Variants in EPB41 observed in about 807,000 individuals in gnomAD.
The protein encoded by EPB41 is erythrocyte membrane protein band 4.1.
A neutral mutation model predicts 108.0 loss-of-function variants in EPB41; 65 were observed. The observed-to-expected ratio is 0.60, with a 90% confidence interval of 0.49 to 0.74. The LOEUF is 0.74. Ranked by LOEUF, EPB41 falls within the 30% of genes least tolerant of loss-of-function variation. The pLI is 0.00. For synonymous variants in EPB41, 336 were observed against 358.9 expected (o/e 0.94, Z 0.72); for missense variants, 875 against 1,037.0 (o/e 0.84, Z 2.15).
intron 1 of EPB41, among the ~76,000 whole-genome samples, chr1:28,932,199 T>A (rs772163536): frequency 7.2e-5 from 11 of 152,226 alleles, no homozygotes; most frequent in Non-Finnish European, 7.3e-5. Context: ...CTCAGCTCAC[T>A]GCAGCCTCCG....
chr1:29,112,630 G>A (rs939642142), intron 19 of EPB41, among the ~76,000 whole-genome samples, 182 bp downstream of exon 19: 2 of 152,168 alleles, frequency 1.3e-5, no homozygotes, highest in African/African-American at 4.8e-5. Flanking sequence ...CACAGATTGA[G>A]GAGCCAGGAA....
chr1:29,051,574 T>G (rs1194130030), intron 11 of EPB41, among the ~76,000 whole-genome samples: 1 of 152,144 alleles, frequency 6.6e-6, no homozygotes, highest in Non-Finnish European at 1.5e-5. Context: ...ATAATAAAAA[T>G]TATTGATTTC....
At chr1:28,904,686 T>C (rs898292858) in intron 1 of EPB41, among the ~76,000 whole-genome samples, 19 of 150,910 alleles carry the variant, frequency 1.3e-4, no homozygotes, top group Non-Finnish European at 2.4e-4. Flanking sequence ...TTACCTGAGG[T>C]CAGGAGTTTG....
intron 1 of EPB41, among the ~76,000 whole-genome samples, chr1:28,891,538 A>G (rs1240445202): frequency 6.6e-6 from 1 of 152,220 alleles, no homozygotes; most frequent in Non-Finnish European, 1.5e-5. Flanking sequence ...CCCTGAGGAC[A>G]CACGAGAGTC....
chr1:29,079,324 T>C (rs890014387), intron 16 of EPB41, among the ~76,000 whole-genome samples: 2 of 152,140 alleles, frequency 1.3e-5, no homozygotes, highest in Non-Finnish European at 2.9e-5. Flanking sequence ...TTTGAGCTTT[T>C]GGTATACTTT....
In EPB41 at chr1:28,993,549, A is replaced by G. The variant is rs767424892; in HGVS notation, c.681+7A>G. On this transcript the variant is annotated splice_region_variant and intron_variant, in intron 3 of 20. Coordinates refer to ENST00000343067, the MANE Select transcript of EPB41 (RefSeq NM_001376013.1). ...TTATGAATGTGTTGTGGAGGTGAGT[A>G]TGTTTTCATTTCCAACAATCAGAAC... The G allele has an allele frequency of 5.0e-6, 8 of 1,613,160 alleles. No homozygotes were observed. In the South Asian group the frequency reaches 6.6e-5, roughly 13 times the overall value.
At chr1:28,952,807 T>C (rs1035686817) in intron 1 of EPB41, among the ~76,000 whole-genome samples, 4 of 152,214 alleles carry the variant, frequency 2.6e-5, no homozygotes, top group Non-Finnish European at 5.9e-5. Flanking sequence ...TGTAAATTTC[T>C]TGCGTAAATT....
At chr1:29,035,516 C>T (rs1433323155) in intron 9 of EPB41, among the ~76,000 whole-genome samples, 1 of 148,246 alleles carries the variant, frequency 6.7e-6, no homozygotes, top group Non-Finnish European at 1.5e-5. Context: ...AGTGTCTGGA[C>T]AATCAAGAGG....
intron 11 of EPB41, among the ~76,000 whole-genome samples, chr1:29,052,894 C>T (rs1387569421): frequency 1.3e-5 from 2 of 152,142 alleles, no homozygotes; most frequent in Non-Finnish European, 2.9e-5. Context: ...ACATTTTAGC[C>T]TTTCTACTGA....
At chr1:29,069,370 G>C (rs946411378) in intron 16 of EPB41, 47 of 1,230,248 alleles carry the variant, frequency 3.8e-5, no homozygotes, top group Non-Finnish European at 4.6e-5. Context: ...TTGGACAATT[G>C]GGGAGAAAAA....
Position 29,115,816 on chromosome 1 carries a change from C to T in EPB41, c.*6+13C>T, listed in dbSNP as rs139295705. 0.01 allele frequency: 16,326 copies of T among 1,603,854 alleles called. 114 individuals carry two copies. Among genetic ancestry groups the T allele is most frequent in the Non-Finnish European group, 0.013 (14,684 of 1,170,982 alleles). On this transcript the variant is annotated intron_variant, in intron 20 of 20. Transcript: ENST00000343067. This position sits in a 1 kb window ranked among gnomAD's most constrained non-coding sequence, Gnocchi z 4.4. ...TGAGTGAGCTCAGGTACTGGGCGTTCCTGCTGGGGCTGAGGGTGCCCACAG... is the reference window on the plus strand; with the variant it reads ...TGAGTGAGCTCAGGTACTGGGCGTTTCTGCTGGGGCTGAGGGTGCCCACAG...
chr1:28,894,150 AT>A (rs1386371511), intron 1 of EPB41, among the ~76,000 whole-genome samples: 1 of 152,188 alleles, frequency 6.6e-6, no homozygotes, highest in Non-Finnish European at 1.5e-5. Context: ...AAATAAGAAT[AT>A]GAATACTTAT....
At chr1:28,898,527 C>T (rs1329738862) in intron 1 of EPB41, among the ~76,000 whole-genome samples, 2 of 152,192 alleles carry the variant, frequency 1.3e-5, no homozygotes, top group Admixed American at 6.5e-5. Flanking sequence ...ATGGCCTGGC[C>T]CAGTGTCTGT....
intron 1 of EPB41, among the ~76,000 whole-genome samples, chr1:28,908,484 T>G (rs1570336198): frequency 6.7e-6 from 1 of 150,300 alleles, no homozygotes; most frequent in Non-Finnish European, 1.5e-5. Context: ...CAAGCTGGAG[T>G]GCAGTGGCAT....
intron 17 of EPB41, among the ~76,000 whole-genome samples, chr1:29,103,737 G>A (rs545471515): frequency 2.0e-5 from 3 of 152,050 alleles, no homozygotes; most frequent in East Asian, 1.9e-4. Flanking sequence ...GCGCGATCTC[G>A]GCTCACTGTA....
rs113219852 is a variant in EPB41, at chr1:29,003,983, G to A, written c.786+6664G>A. Among the ~76,000 whole-genome samples the A allele has an allele frequency of 7.4e-3, 1,129 of 152,244 alleles. 9 individuals carry two copies. Among genetic ancestry groups the A allele is most frequent in the African/African-American group, 0.026 (1,062 of 41,536 alleles). On this transcript the variant is annotated intron_variant, in intron 4 of 20. Coordinates refer to ENST00000343067, the MANE Select transcript of EPB41 (RefSeq NM_001376013.1). ...TCACCATGTTGGTCAGGCTGGTCTT[G>A]AACTCCTGGCCTCAGGTGATCCAAC...
At chr1:29,087,744 G>C (rs1424139508) in intron 16 of EPB41, among the ~76,000 whole-genome samples, 1 of 152,010 alleles carries the variant, frequency 6.6e-6, no homozygotes, top group African/African-American at 2.4e-5. Context: ...ATATAATCAG[G>C]GTCTGATGAT....
intron 1 of EPB41, among the ~76,000 whole-genome samples, chr1:28,976,553 T>C (rs1237234136): frequency 2.0e-5 from 3 of 151,984 alleles, no homozygotes; most frequent in African/African-American, 4.8e-5. Context: ...GAGGCCTTTC[T>C]ATGTTGCCTA....
intron 1 of EPB41, among the ~76,000 whole-genome samples, chr1:28,906,765 CTTTTCTTTTT>C (rs1570294352): frequency 2.6e-5 from 4 of 150,970 alleles, no homozygotes; most frequent in South Asian, 4.2e-4. Flanking sequence ...AATCACCTAA[CTTTTCTTTTT>C]TTTTCTTTTT....
Sources: allele counts gnomAD v4.1 joint callset (sites outside exome capture counted in the v4.1 genomes callset), GRCh38; gene constraint gnomAD v4.1.1; non-coding constraint Gnocchi (gnomAD v3.1); transcripts MANE v1.5; gene names NCBI Gene and HGNC (gene_info 2026-07-23, HGNC 2026-07-21).